GABRP: variants seen among roughly 807,000 people sequenced by gnomAD.
GABRP encodes gamma-aminobutyric acid type A receptor subunit pi, also known as gamma-aminobutyric acid receptor subunit pi.
In GABRP, 52 loss-of-function variants were observed where a neutral mutation model predicts 47.8. The observed-to-expected ratio is 1.09, with a 90% CI of 0.87 to 1.37. GABRP has a LOEUF of 1.37. Among genes scored for constraint, GABRP ranks in the 40% most tolerant of loss-of-function variants. The probability of loss-of-function intolerance (pLI) is 0.00; values close to 1 mark genes in which losing one functional copy is unlikely to be tolerated. For synonymous variants in GABRP, 221 were observed against 205.8 expected, an observed-to-expected ratio of 1.07 and a Z score of -0.63; for missense variants, 525 against 542.8, an observed-to-expected ratio of 0.97 and a Z score of 0.33.
At position 170,809,671 on chromosome 5, in the gene GABRP, C is replaced by T. The variant is rs1180147396; in HGVS notation, c.936C>T (p.Ile312=). ...FIKAIDVYLG[I]CFSFVFGALL... ...AGGCCATCGATGTGTACCTGGGGAT[C>T]TGCTTTAGCTTTGTGTTTGGGGCCT... Residue 312 remains isoleucine, a synonymous_variant, in exon 9 of 10, where the codon ATC becomes ATT. Transcript: ENST00000265294. The T allele has an allele frequency of 2.5e-6, 4 of 1,613,896 alleles. No individual in the cohort carries two copies. In the East Asian group the frequency reaches 8.9e-5, roughly 36 times the overall value.
chr5:170,805,854 G>C lies in GABRP; in HGVS notation c.679+1G>C. On this transcript the variant is annotated splice_donor_variant, in intron 7 of 9. Transcript: ENST00000265294. LOFTEE classifies it high-confidence loss of function. ...GTCACCAGATCGCAGCAGGAGACAG[G>C]TAACTCATGTGACAAACTGTATGAA... The C allele has an allele frequency of 6.2e-7, 1 of 1,613,646 alleles. No individual in the cohort carries two copies. Among genetic ancestry groups the C allele is most frequent in the Non-Finnish European group, 8.5e-7 (1 of 1,179,726 alleles).
At chr5:170,799,714 TC>T (rs2127259208) in intron 6 of GABRP, among the ~76,000 whole-genome samples, 1 of 152,330 alleles carries the variant, frequency 6.6e-6, no homozygotes, top group African/African-American at 2.4e-5. Context: ...GCAAAAATTT[TC>T]CCCCATTCTG....
At chr5:170,788,761 G>A in intron 2 of GABRP, 93 bp downstream of exon 2, 1 of 1,241,798 alleles carries the variant, frequency 8.1e-7, no homozygotes, top group Non-Finnish European at 1.2e-6. Flanking sequence ...TTCACCCACA[G>A]CAAGGCAAAA....
chr5:170,811,143 A>C (rs976176150), intron 9 of GABRP, among the ~76,000 whole-genome samples: 1 of 147,726 alleles, frequency 6.8e-6, no homozygotes, highest in African/African-American at 2.5e-5. Flanking sequence ...TTATTATCCC[A>C]ATTTTACTCT....
At chr5:170,785,866 C>T (rs1370002427) in intron 1 of GABRP, among the ~76,000 whole-genome samples, 2 of 152,204 alleles carry the variant, frequency 1.3e-5, no homozygotes, top group East Asian at 3.9e-4. Flanking sequence ...AGGCCGTGGG[C>T]AAGCCTGCAC....
In GABRP at chr5:170,788,560, C is replaced by T; in HGVS notation, c.-42-14C>T. On this transcript the variant is annotated splice_polypyrimidine_tract_variant and intron_variant, in intron 1 of 9. Transcript: ENST00000265294. ...TTGCACGGCCTTCCACTTACCTTGCCCCCTGTTTCCCAGGTGATTCCTACT... is the reference window on the plus strand; with the variant it reads ...TTGCACGGCCTTCCACTTACCTTGCTCCCTGTTTCCCAGGTGATTCCTACT... 6.3e-7 allele frequency: 1 copy of T among 1,583,552 alleles called. No homozygotes were observed. The highest frequency in any genetic ancestry group is 1.7e-5 in the Admixed American group (1 of 59,956).
At position 170,797,524 on chromosome 5, in the gene GABRP, A is replaced by G. The variant is rs756900821; in HGVS notation, c.517A>G (p.Thr173Ala). 1 of 1,611,968 alleles carries G rather than the reference A, an allele frequency of 6.2e-7. No homozygotes were observed. Among genetic ancestry groups the G allele is most frequent in the Admixed American group, 1.7e-5 (1 of 60,022 alleles). Residue 173 changes from threonine (T) to alanine (A), a missense_variant, in exon 6 of 10, where the codon ACA (threonine) becomes GCA (alanine). Physicochemically the swap from Thr to Ala is moderately conservative, Grantham distance 58. Coordinates refer to ENST00000265294, the MANE Select transcript of GABRP (RefSeq NM_014211.3). Reference protein sequence around the residue: ...DLSKYPMDTQTCKLQLESWGY... With the variant: ...DLSKYPMDTQACKLQLESWGY... The stretch of plus-strand genomic sequence containing the variant: ...GTCTAAATACCCCATGGACACACAG[A>G]CATGCAAGTTGCAGCTGGAAAGCTG...
chr5:170,791,549 G>T (rs989898226), intron 3 of GABRP, among the ~76,000 whole-genome samples: 3 of 152,222 alleles, frequency 2.0e-5, no homozygotes, highest in African/African-American at 4.8e-5. Flanking sequence ...CTGCCCTCTG[G>T]TGGCACAGCT....
Position 170,812,228 on chromosome 5 carries a change from A to G in GABRP, c.1293A>G (p.Val431=). ...LFPLIFMLAN[V]FYWAYYMYF is the part of the protein sequence containing the mutation. ...CTTTGATTTTTATGCTAGCCAATGTATTTTACTGGGCATACTACATGTATT... is the reference window on the plus strand; with the variant it reads ...CTTTGATTTTTATGCTAGCCAATGTGTTTTACTGGGCATACTACATGTATT... Residue 431 remains valine, a synonymous_variant, in exon 10 of 10, where the codon GTA becomes GTG. Coordinates refer to ENST00000265294, the MANE Select transcript of GABRP (RefSeq NM_014211.3). 6.2e-7 allele frequency: 1 copy of G among 1,613,512 alleles called. No individual in the cohort carries two copies. Among genetic ancestry groups the G allele is most frequent in the Non-Finnish European group, 8.5e-7 (1 of 1,179,544 alleles).
chr5:170,810,009 A>G, intron 9 of GABRP: 1 of 701,130 alleles, frequency 1.4e-6, no homozygotes, highest in South Asian at 1.5e-5. Flanking sequence ...TGTATGCAGC[A>G]TAAAATCACA....
Position 170,789,140 on chromosome 5 carries a change from A to G in GABRP, c.65A>G (p.Gln22Arg), listed in dbSNP as rs571307888. ...CATTTCTTTTCCAGGATGTGCATCC[A>G]GGGGAGTCAGTTCAACGTCGAGGTC... is the stretch of plus-strand genomic sequence containing the variant. ...LSLFTERMCI[Q>R]GSQFNVEVGR... Residue 22 changes from glutamine (Q) to arginine (R), a missense_variant, in exon 3 of 10, where the codon CAG (glutamine) becomes CGG (arginine). By Grantham distance (43) the Gln-to-Arg change is conservative. Coordinates refer to ENST00000265294, the MANE Select transcript of GABRP (RefSeq NM_014211.3). 1.9e-6 allele frequency: 3 copies of G among 1,612,880 alleles called. No homozygotes were observed. The Admixed American group carries it at 5.0e-5, about 27-fold the overall frequency.
intron 6 of GABRP, among the ~76,000 whole-genome samples, chr5:170,804,278 A>G (rs1765671878): frequency 6.6e-6 from 1 of 152,066 alleles, no homozygotes; most frequent in Non-Finnish European, 1.5e-5. Context: ...GTTGATGAAC[A>G]TTTGGTTTCC....
At chr5:170,802,129 T>A (rs1765611833) in intron 6 of GABRP, among the ~76,000 whole-genome samples, 1 of 152,198 alleles carries the variant, frequency 6.6e-6, no homozygotes, top group Non-Finnish European at 1.5e-5. Context: ...AACCTGGGGA[T>A]TTGCCTGTGA....
intron 4 of GABRP, among the ~76,000 whole-genome samples, chr5:170,794,959 C>T (rs999409737): frequency 2.0e-5 from 3 of 149,180 alleles, no homozygotes; most frequent in Non-Finnish European, 4.5e-5. Flanking sequence ...ATAAATAAGG[C>T]GATTTGTTCT....
chr5:170,806,413 T>C (rs1477068592), intron 7 of GABRP, among the ~76,000 whole-genome samples: 1 of 151,770 alleles, frequency 6.6e-6, no homozygotes, highest in African/African-American at 2.4e-5. Flanking sequence ...GAACGCTTAT[T>C]CTCATCAATA....
In GABRP at chr5:170,794,261, A is replaced by G. The variant is rs780303649; in HGVS notation, c.203A>G (p.Asp68Gly). 2 of 1,612,520 alleles carry G rather than the reference A, an allele frequency of 1.2e-6. No homozygotes were observed. Among genetic ancestry groups the G allele is most frequent in the South Asian group, 2.2e-5 (2 of 90,918 alleles). The change falls in exon 4 of 10, where the codon GAC becomes GGC. Residue 68 changes from aspartate (D) to glycine (G), a missense_variant. Physicochemically the swap from Asp to Gly is moderately conservative, Grantham distance 94. Coordinates refer to ENST00000265294, the MANE Select transcript of GABRP (RefSeq NM_014211.3). ...GEPVQIALTL[D>G]IASISSISES... ...CCCGTACAGATAGCGCTGACTCTGGACATTGCAAGTATCTCTAGCATTTCA... is the reference window on the plus strand; with the variant it reads ...CCCGTACAGATAGCGCTGACTCTGGGCATTGCAAGTATCTCTAGCATTTCA...
chr5:170,795,162 C>T (rs910629686), intron 4 of GABRP, 46 bp from the exon 5 acceptor site: 1 of 1,401,734 alleles, frequency 7.1e-7, no homozygotes, highest in South Asian at 1.2e-5. Context: ...GGGGTTTTCT[C>T]ACCCACTACC....
At chr5:170,794,797 G>A (rs2127255360) in intron 4 of GABRP, among the ~76,000 whole-genome samples, 1 of 152,022 alleles carries the variant, frequency 6.6e-6, no homozygotes, top group South Asian at 2.1e-4. Context: ...GTGCATTCCA[G>A]ATAAATCGTG....
chr5:170,790,848 G>A (rs757306413), intron 3 of GABRP, among the ~76,000 whole-genome samples: 2 of 152,126 alleles, frequency 1.3e-5, no homozygotes, highest in African/African-American at 2.4e-5. Flanking sequence ...CAAGTGTGGT[G>A]GTAGATTCCA....
Sources: allele counts gnomAD v4.1 joint callset (sites outside exome capture counted in the v4.1 genomes callset), GRCh38; gene constraint gnomAD v4.1.1; transcripts MANE v1.5; gene names NCBI Gene and HGNC (gene_info 2026-07-23, HGNC 2026-07-21).